The following GABRB2 variants were observed in gnomAD, a reference collection of about 807,000 sequenced individuals.
GABRB2 encodes gamma-aminobutyric acid receptor subunit beta-2.
A neutral mutation model predicts 54.7 loss-of-function variants in GABRB2; 16 were observed. The observed-to-expected ratio is 0.29, with a 90% confidence interval of 0.20 to 0.44. GABRB2 has a LOEUF of 0.44. GABRB2 is among the 20% of genes least tolerant of loss of function. GABRB2 has a pLI of 1.00. For synonymous variants in GABRB2, 244 were observed against 233.8 expected (o/e 1.04, Z -0.40); for missense variants, 355 against 644.0 (o/e 0.55, Z 4.86).
At chr5:161,347,976 T>C (rs1276985369) in intron 5 of GABRB2, among the ~76,000 whole-genome samples, 1 of 152,114 alleles carries the variant, frequency 6.6e-6, no homozygotes, top group African/African-American at 2.4e-5. Flanking sequence ...GGTTAAGCCA[T>C]ATGACATAAC....
chr5:161,291,974 C>A lies in GABRB2; in HGVS notation c.*2107G>T, dbSNP rs546727928. 4.8e-4 allele frequency: 73 copies of A among 152,228 alleles called. No individual in the cohort carries two copies. The highest frequency in any genetic ancestry group is 1.7e-3 in the African/African-American group (72 of 41,548). 9.4% of individuals were successfully genotyped at this position (152,228 alleles called of 1,614,324 possible). ...TAGGAGAAAGTGTGTCCTGGAGAAA[C>A]ATGAGGAATCTCTACTCTGAGCCTG... On this transcript the variant is annotated 3_prime_UTR_variant, in exon 10 of 10. Coordinates refer to ENST00000393959, the MANE Select transcript of GABRB2 (RefSeq NM_001371727.1).
intron 4 of GABRB2, 126 bp downstream of exon 4, chr5:161,459,498 G>T (rs1458033417): frequency 1.3e-6 from 1 of 788,774 alleles, no homozygotes; most frequent in African/African-American, 1.7e-5. Flanking sequence ...CTAGTGGATA[G>T]GAGGCTTAAC....
intron 9 of GABRB2, among the ~76,000 whole-genome samples, chr5:161,307,801 A>T (rs1354924815): frequency 6.6e-6 from 1 of 151,822 alleles, no homozygotes; most frequent in Non-Finnish European, 1.5e-5. Flanking sequence ...GCAACTTTAA[A>T]CTTCTCTACC....
intron 5 of GABRB2, among the ~76,000 whole-genome samples, chr5:161,341,937 T>TTATATATATATATATATATA (rs1237952955): frequency 8.6e-4 from 65 of 75,624 alleles, no homozygotes; most frequent in African/African-American, 1.3e-3. Context: ...ATTTTTTCTT[T>TTATATATATATATATATATA]TATATATATA....
At chr5:161,336,408 G>T (rs1753994726) in intron 6 of GABRB2, among the ~76,000 whole-genome samples, 1 of 152,038 alleles carries the variant, frequency 6.6e-6, no homozygotes, top group African/African-American at 2.4e-5. Flanking sequence ...CTGGCAAATG[G>T]GATACACAGA....
Position 161,322,522 on chromosome 5 carries a change from C to T in GABRB2, c.1191+3846G>A, listed in dbSNP as rs372154076. 1.6e-4 allele frequency among the ~76,000 whole-genome samples: 25 copies of T among 152,328 alleles called. No homozygotes were observed. The South Asian group carries it at 5.0e-3, about 30-fold the overall frequency. The stretch of plus-strand genomic sequence containing the variant: ...AAGTGCTGGGATCACAAGTGTGAAT[C>T]ACTGTGCCCGGAGAAGAAGTGTTTA... On this transcript the variant is annotated intron_variant, in intron 9 of 9. Coordinates refer to ENST00000393959, the MANE Select transcript of GABRB2 (RefSeq NM_001371727.1).
At chr5:161,324,042 C>T (rs1758293858) in intron 9 of GABRB2, among the ~76,000 whole-genome samples, 1 of 152,096 alleles carries the variant, frequency 6.6e-6, no homozygotes, top group South Asian at 2.1e-4. Flanking sequence ...ACAATGCAAA[C>T]ATCAAACAAT....
At chr5:161,447,884 G>A (rs1757682091) in intron 4 of GABRB2, among the ~76,000 whole-genome samples, 1 of 152,118 alleles carries the variant, frequency 6.6e-6, no homozygotes, top group African/African-American at 2.4e-5. Context: ...TAGAAAACAA[G>A]TATAGATTTT....
intron 3 of GABRB2, among the ~76,000 whole-genome samples, chr5:161,498,767 T>C (rs188396941): frequency 1.3e-5 from 2 of 152,182 alleles, no homozygotes; most frequent in East Asian, 3.9e-4. Context: ...AAACCCCTTG[T>C]GGCTTGAATG....
intron 3 of GABRB2, among the ~76,000 whole-genome samples, chr5:161,468,112 G>C (rs1405103891): frequency 6.6e-6 from 1 of 152,040 alleles, no homozygotes; most frequent in Non-Finnish European, 1.5e-5. Context: ...TTATTTACGA[G>C]TTCCTGTAAT....
chr5:161,516,037 T>C, intron 3 of GABRB2, among the ~76,000 whole-genome samples: 1 of 150,140 alleles, frequency 6.7e-6, no homozygotes, highest in East Asian at 1.9e-4. Flanking sequence ...GACTTTGTAG[T>C]GTCACTCCTA....
intron 3 of GABRB2, among the ~76,000 whole-genome samples, chr5:161,536,002 G>A (rs1581066440): frequency 6.6e-6 from 1 of 152,134 alleles, no homozygotes; most frequent in Non-Finnish European, 1.5e-5. Context: ...CAGGAAGCCG[G>A]TTCCATGTCT....
chr5:161,431,059 A>G (rs999549071), intron 4 of GABRB2, among the ~76,000 whole-genome samples: 8 of 152,096 alleles, frequency 5.3e-5, no homozygotes, highest in African/African-American at 1.9e-4. Context: ...TGAAAAAGAG[A>G]TGGGATAACA....
At chr5:161,487,680 A>G (rs1325753183) in intron 3 of GABRB2, among the ~76,000 whole-genome samples, 1 of 151,864 alleles carries the variant, frequency 6.6e-6, no homozygotes, top group African/African-American at 2.4e-5. Context: ...CTCATCTGTA[A>G]AATAGTAACA....
intron 3 of GABRB2, among the ~76,000 whole-genome samples, chr5:161,469,998 G>A (rs568506584): frequency 2.0e-5 from 3 of 151,846 alleles, no homozygotes; most frequent in Non-Finnish European, 2.9e-5. Flanking sequence ...TACCTTCAAC[G>A]AATCACTTTC....
chr5:161,355,904 A>G (rs1327397772), intron 5 of GABRB2, among the ~76,000 whole-genome samples: 1 of 152,176 alleles, frequency 6.6e-6, no homozygotes, highest in Non-Finnish European at 1.5e-5. Context: ...TTTTATTTAT[A>G]CCAGAAAAAA....
intron 9 of GABRB2, among the ~76,000 whole-genome samples, chr5:161,309,910 C>T (rs887582409): frequency 6.6e-6 from 1 of 152,112 alleles, no homozygotes; most frequent in Non-Finnish European, 1.5e-5. Context: ...GGATTACAGG[C>T]TTGAGCCACC....
chr5:161,455,276 C>A (rs1383845160), intron 4 of GABRB2, among the ~76,000 whole-genome samples: 1 of 152,078 alleles, frequency 6.6e-6, no homozygotes, highest in African/African-American at 2.4e-5. Flanking sequence ...TTTGAGCACC[C>A]CTCTCCGGAT....
intron 4 of GABRB2, among the ~76,000 whole-genome samples, chr5:161,434,000 T>C (rs1453451836): frequency 6.6e-6 from 1 of 152,184 alleles, no homozygotes; most frequent in African/African-American, 2.4e-5. Flanking sequence ...GATGAAAATA[T>C]TACCGAAATG....
Sources: allele counts gnomAD v4.1 joint callset (sites outside exome capture counted in the v4.1 genomes callset), GRCh38; gene constraint gnomAD v4.1.1; transcripts MANE v1.5; gene names NCBI Gene and HGNC (gene_info 2026-07-23, HGNC 2026-07-21).